Variants in ZC3H12A observed in about 807,000 individuals in gnomAD.
The protein encoded by ZC3H12A is endoribonuclease ZC3H12A.
Under a neutral mutation model 29.9 loss-of-function variants are expected in ZC3H12A, and 9 were observed. The ratio of observed to expected loss-of-function variants is 0.30; its 90% CI spans 0.18 to 0.53. The LOEUF is 0.53. Ranked by LOEUF, ZC3H12A falls within the 20% of genes least tolerant of loss-of-function variation. The probability of loss-of-function intolerance (pLI) is 0.96; values close to 1 mark genes in which losing one functional copy is unlikely to be tolerated. For missense variants in ZC3H12A, 617 were observed against 799.0 expected (o/e 0.77, Z 2.75); for synonymous variants, 323 against 338.1 (o/e 0.96, Z 0.49).
rs149063270 is a variant in ZC3H12A, at chr1:37,476,840, G to A, written c.443+901G>A. Reference sequence around the variant, plus strand: ...CTGGGTGGATGGCTCACAGGGAAAAGTTCCTGTTGGCATGGACGGGGAGAC... The same window carrying A: ...CTGGGTGGATGGCTCACAGGGAAAAATTCCTGTTGGCATGGACGGGGAGAC... On this transcript the variant is annotated intron_variant, in intron 2 of 5. Coordinates refer to ENST00000373087, the MANE Select transcript of ZC3H12A (RefSeq NM_025079.3). The surrounding 1 kb of genome is among the most constrained non-coding windows in gnomAD (Gnocchi z 6.0). Among the ~76,000 whole-genome samples, 1 of 152,240 alleles carries A rather than the reference G, an allele frequency of 6.6e-6. No individual in the cohort carries two copies. Among genetic ancestry groups the A allele is most frequent in the Non-Finnish European group, 1.5e-5 (1 of 68,046 alleles).
At chr1:37,482,074 G>A (rs940153365) in intron 4 of ZC3H12A, among the ~76,000 whole-genome samples, 6 of 152,192 alleles carry the variant, frequency 3.9e-5, no homozygotes, top group East Asian at 3.9e-4. Context: ...AGATAGAGCC[G>A]TAGCACTTAT....
rs1188766722 is a variant in ZC3H12A at position 37,480,434 on chromosome 1, G to C, written c.583+5G>C. ...GGCCCGACGTGCCCATCACAGGTGAGTGGTGCCTCTGGAGGTGGGATGGTC... is the reference window on the plus strand; with the variant it reads ...GGCCCGACGTGCCCATCACAGGTGACTGGTGCCTCTGGAGGTGGGATGGTC... On this transcript the variant is annotated splice_donor_5th_base_variant and intron_variant, in intron 3 of 5. Transcript: ENST00000373087. 3 of 1,610,628 alleles carry C rather than the reference G, an allele frequency of 1.9e-6. No individual in the cohort carries two copies. Among genetic ancestry groups the C allele is most frequent in the South Asian group, 1.1e-5 (1 of 90,724 alleles).
In ZC3H12A at chr1:37,479,693, C is replaced by T. The variant is rs926076509; in HGVS notation, c.444-597C>T. On this transcript the variant is annotated intron_variant, in intron 2 of 5. Coordinates refer to ENST00000373087, the MANE Select transcript of ZC3H12A (RefSeq NM_025079.3). The surrounding 1 kb of genome is among the most constrained non-coding windows in gnomAD (Gnocchi z 4.5). ...GAGTCGCCAGCCCCTTCCCCTTTGCCTTTCTCAGGCCCCAGTCCCTGAGGT... is the reference window on the plus strand; with the variant it reads ...GAGTCGCCAGCCCCTTCCCCTTTGCTTTTCTCAGGCCCCAGTCCCTGAGGT... The T allele has an allele frequency of 2.0e-6, 2 of 985,236 alleles. No individual in the cohort carries two copies. Among genetic ancestry groups the T allele is most frequent in the African/African-American group, 3.5e-5 (2 of 57,200 alleles). 61.0% of individuals were successfully genotyped at this position (985,236 alleles called of 1,614,324 possible). A position where few individuals can be genotyped will look rare whatever the true frequency, so the allele number is the denominator to read the frequency against.
chr1:37,482,970 C>T lies in ZC3H12A; in HGVS notation c.1159C>T (p.Pro387Ser), dbSNP rs555026894. ...DGKKLGAQAS[P>S]GSRQEGLTQT... ...GAAGAAGCTGGGGGCCCAGGCATCC[C>T]CAGGGTCCCGCCAAGAGGGTCTAAC... The change falls in exon 6 of 6, where the codon CCA (proline) becomes TCA (serine). Residue 387 changes from proline to serine, a missense_variant. This residue lies in a region of ZC3H12A where 115 missense variants were observed against 112.5 expected (regional missense o/e 1.02). Coordinates refer to ENST00000373087, the MANE Select transcript of ZC3H12A (RefSeq NM_025079.3). 6.2e-6 allele frequency: 10 copies of T among 1,612,332 alleles called. No homozygotes were observed. The African/African-American group carries it at 8.0e-5, about 13-fold the overall frequency.
rs190214724 is a variant in ZC3H12A at position 37,480,115 on chromosome 1, C to A, written c.444-175C>A. The A allele has an allele frequency of 3.0e-6, 4 of 1,336,364 alleles. No individual in the cohort carries two copies. In the African/African-American group the frequency reaches 5.9e-5, roughly 20 times the overall value. The allele number at this position is 1,336,364 out of a possible 1,614,324, so 82.8% of individuals were successfully genotyped here. ...GGGCCCCACCTGCAGAGGGCCAGGG[C>A]CTGAGCCCTGGGGAAAGGGGAAGGG... On this transcript the variant is annotated intron_variant, in intron 2 of 5. Transcript: ENST00000373087.
chr1:37,479,483 C>G lies in ZC3H12A; in HGVS notation c.444-807C>G, dbSNP rs1301742285. On this transcript the variant is annotated intron_variant, in intron 2 of 5. Coordinates refer to ENST00000373087, the MANE Select transcript of ZC3H12A (RefSeq NM_025079.3). The surrounding 1 kb of genome is among the most constrained non-coding windows in gnomAD (Gnocchi z 4.5). Reference sequence around the variant, plus strand: ...TCTGAGACCAAGGCAGGGCCCATGCCTTACTCAGCTGTCCTTGCTAAGAGT... The same window carrying G: ...TCTGAGACCAAGGCAGGGCCCATGCGTTACTCAGCTGTCCTTGCTAAGAGT... 1 of 985,334 alleles carries G rather than the reference C, an allele frequency of 1.0e-6. No individual in the cohort carries two copies. Among genetic ancestry groups the G allele is most frequent in the Admixed American group, 6.1e-5 (1 of 16,272 alleles). The allele number at this position is 985,334 out of a possible 1,614,324, so 61.0% of individuals were successfully genotyped here.
intron 3 of ZC3H12A, among the ~76,000 whole-genome samples, chr1:37,481,350 C>T (rs1641697870): frequency 6.6e-6 from 1 of 152,390 alleles, no homozygotes; most frequent in Non-Finnish European, 1.5e-5. Context: ...ACAAGGCCAG[C>T]TCTGTGCTTG....
In ZC3H12A at chr1:37,481,243, C is replaced by T. The variant is rs554000532; in HGVS notation, c.584-358C>T. ...ACTTCTCCCACCCCAGAGCAAGCTG[C>T]GGCTCATTCACGGACCCCTCAGAAC... On this transcript the variant is annotated intron_variant, in intron 3 of 5. Coordinates refer to ENST00000373087, the MANE Select transcript of ZC3H12A (RefSeq NM_025079.3). 3.9e-5 allele frequency among the ~76,000 whole-genome samples: 6 copies of T among 152,338 alleles called. No homozygotes were observed. In the East Asian group the frequency reaches 5.8e-4, roughly 15 times the overall value.
In ZC3H12A at chr1:37,474,648, G is replaced by A. The variant is rs1299315923; in HGVS notation, c.-39+19G>A. The A allele has an allele frequency of 1.3e-5, 2 of 151,956 alleles. No individual in the cohort carries two copies. The highest frequency in any genetic ancestry group is 2.1e-4 in the South Asian group (1 of 4,836). The allele number at this position is 151,956 out of a possible 1,614,324, so 9.4% of individuals were successfully genotyped here. On this transcript the variant is annotated intron_variant, in intron 1 of 5. Coordinates refer to ENST00000373087, the MANE Select transcript of ZC3H12A (RefSeq NM_025079.3). Reference sequence around the variant, plus strand: ...TGGCGGGGTGAGGCGCGGCGGGGAGGGTGCGGGCCTCGGCGGGGAAGCGGC... The same window carrying A: ...TGGCGGGGTGAGGCGCGGCGGGGAGAGTGCGGGCCTCGGCGGGGAAGCGGC...
rs1641643929 is a variant in ZC3H12A at position 37,478,881 on chromosome 1, C to A, written c.444-1409C>A. The A allele has an allele frequency of 1.0e-6, 1 of 985,230 alleles. No individual in the cohort carries two copies. The allele number at this position is 985,230 out of a possible 1,614,324, so 61.0% of individuals were successfully genotyped here. ...CAGGCTGGCAGATGTGGCAGAGGGA[C>A]CGGGAAGGATGAGTGCTGCCCTGGG... is the stretch of plus-strand genomic sequence containing the variant. On this transcript the variant is annotated intron_variant, in intron 2 of 5. Transcript: ENST00000373087. This position sits in a 1 kb window ranked among gnomAD's most constrained non-coding sequence, Gnocchi z 5.2.
At position 37,483,816 on chromosome 1, in the gene ZC3H12A, A is replaced by G. The variant is rs1641769636; in HGVS notation, c.*205A>G. ...TGCAGCACCTCTAGCTGTCTGCCTC[A>G]GTGGGTCAGAAGCGATCACCCTGTT... On this transcript the variant is annotated 3_prime_UTR_variant, in exon 6 of 6. Coordinates refer to ENST00000373087, the MANE Select transcript of ZC3H12A (RefSeq NM_025079.3). 4 of 646,486 alleles carry G rather than the reference A, an allele frequency of 6.2e-6. No individual in the cohort carries two copies. Among genetic ancestry groups the G allele is most frequent in the Non-Finnish European group, 1.0e-5 (4 of 386,386 alleles). 40.0% of individuals were successfully genotyped at this position (646,486 alleles called of 1,614,324 possible). A position where few individuals can be genotyped will look rare whatever the true frequency, so the allele number is the denominator to read the frequency against.
Position 37,483,868 on chromosome 1 carries a change from A to C in ZC3H12A, c.*257A>C. 1 of 474,330 alleles carries C rather than the reference A, an allele frequency of 2.1e-6. No individual in the cohort carries two copies. Among genetic ancestry groups the C allele is most frequent in the Non-Finnish European group, 3.7e-6 (1 of 270,094 alleles). The allele number at this position is 474,330 out of a possible 1,614,324, so 29.4% of individuals were successfully genotyped here. On this transcript the variant is annotated 3_prime_UTR_variant, in exon 6 of 6. Coordinates refer to ENST00000373087, the MANE Select transcript of ZC3H12A (RefSeq NM_025079.3). ...ATACACATTGTATCTCTGTAGTTTAAGGAGACGCTGCCGGTAACGGCGTCG... is the reference window on the plus strand; with the variant it reads ...ATACACATTGTATCTCTGTAGTTTACGGAGACGCTGCCGGTAACGGCGTCG...
rs149597888 is a variant in ZC3H12A at position 37,475,880 on chromosome 1, G to A, written c.384G>A (p.Glu128=). The change falls in exon 2 of 6, where the codon GAG becomes GAA. Residue 128 remains glutamate (E), a synonymous_variant. Transcript: ENST00000373087. The surrounding 1 kb of genome is among the most constrained non-coding windows in gnomAD (Gnocchi z 5.2). ...ACCTGGAGCCTCCACTCCCAGAAGAGGAAAAGGAGGGCAGCGACCTGAGAC... is the reference window on the plus strand; with the variant it reads ...ACCTGGAGCCTCCACTCCCAGAAGAAGAAAAGGAGGGCAGCGACCTGAGAC... ...APNLEPPLPE[E]EKEGSDLRPV... is the part of the protein sequence containing the mutation. The A allele has an allele frequency of 6.5e-6, 10 of 1,547,552 alleles. No homozygotes were observed. The highest frequency in any genetic ancestry group is 1.2e-5 in the South Asian group (1 of 81,768).
intron 5 of ZC3H12A, 68 bp downstream of exon 5, chr1:37,482,608 GC>G: frequency 6.2e-7 from 1 of 1,608,870 alleles, no homozygotes; most frequent in Non-Finnish European, 8.5e-7. Context: ...GTCTGCCTGT[GC>G]CCTGTTTTCC....
Position 37,484,321 on chromosome 1 carries a change from A to T in ZC3H12A, c.*710A>T, listed in dbSNP as rs1641783429. ...TGTAAATTTTAAATATTTTAAGCAGAAAGTCCTTACCTCCTGTAACACATC... is the reference window on the plus strand; with the variant it reads ...TGTAAATTTTAAATATTTTAAGCAGTAAGTCCTTACCTCCTGTAACACATC... On this transcript the variant is annotated 3_prime_UTR_variant, in exon 6 of 6. Coordinates refer to ENST00000373087, the MANE Select transcript of ZC3H12A (RefSeq NM_025079.3). 6.6e-6 allele frequency: 1 copy of T among 152,262 alleles called. No individual in the cohort carries two copies. Among genetic ancestry groups the T allele is most frequent in the Non-Finnish European group, 1.5e-5 (1 of 68,058 alleles). The allele number at this position is 152,262 out of a possible 1,614,324, so 9.4% of individuals were successfully genotyped here. A position where few individuals can be genotyped will look rare whatever the true frequency, so the allele number is the denominator to read the frequency against.
In ZC3H12A at chr1:37,475,410, G is replaced by A; in HGVS notation, c.-38-49G>A. On this transcript the variant is annotated intron_variant, in intron 1 of 5. Transcript: ENST00000373087. This position sits in a 1 kb window ranked among gnomAD's most constrained non-coding sequence, Gnocchi z 5.2. ...CTGCTGGATGTGGTTTTGGGAGGGA[G>A]GTTAGGAGAGAGCGCTATTCACCGT... 1 of 1,424,968 alleles carries A rather than the reference G, an allele frequency of 7.0e-7. No individual in the cohort carries two copies. The highest frequency in any genetic ancestry group is 9.5e-7 in the Non-Finnish European group (1 of 1,056,942). The allele number at this position is 1,424,968 out of a possible 1,614,324, so 88.3% of individuals were successfully genotyped here.
chr1:37,482,854 C>G lies in ZC3H12A; in HGVS notation c.1043C>G (p.Ala348Gly). The change falls in exon 6 of 6, where the codon GCC becomes GGC. Residue 348 changes from alanine (A) to glycine (G), a missense_variant. By Grantham distance (60) the Ala-to-Gly change is moderately conservative. This residue lies in a region of ZC3H12A where 115 missense variants were observed against 112.5 expected (regional missense o/e 1.02). Transcript: ENST00000373087. ...AATGCTCTCCTCTCACCCCCCAGAG[C>G]CCCAAGCAAGGACAAAAATGGCCGG... ...RANALLSPPR[A>G]PSKDKNGRRP... 6.2e-7 allele frequency: 1 copy of G among 1,613,980 alleles called. No individual in the cohort carries two copies. Among genetic ancestry groups the G allele is most frequent in the South Asian group, 1.1e-5 (1 of 91,078 alleles).
In ZC3H12A at chr1:37,479,489, C is replaced by G; in HGVS notation, c.444-801C>G. 1 of 985,454 alleles carries G rather than the reference C, an allele frequency of 1.0e-6. No individual in the cohort carries two copies. Among genetic ancestry groups the G allele is most frequent in the Non-Finnish European group, 1.2e-6 (1 of 829,932 alleles). The allele number at this position is 985,454 out of a possible 1,614,324, so 61.0% of individuals were successfully genotyped here. ...ACCAAGGCAGGGCCCATGCCTTACT[C>G]AGCTGTCCTTGCTAAGAGTCCCCTA... On this transcript the variant is annotated intron_variant, in intron 2 of 5. Transcript: ENST00000373087. This position sits in a 1 kb window ranked among gnomAD's most constrained non-coding sequence, Gnocchi z 4.5.
In ZC3H12A at chr1:37,475,336, AC is replaced by A. The variant is rs1468136289; in HGVS notation, c.-38-121del. 2.6e-6 allele frequency: 2 copies of A among 773,568 alleles called. No individual in the cohort carries two copies. The highest frequency in any genetic ancestry group is 3.5e-5 in the African/African-American group (2 of 57,648). The allele number at this position is 773,568 out of a possible 1,614,324, so 47.9% of individuals were successfully genotyped here. On this transcript the variant is annotated intron_variant, in intron 1 of 5. Transcript: ENST00000373087. The surrounding 1 kb of genome is among the most constrained non-coding windows in gnomAD (Gnocchi z 5.2). ...AGCTGGGAGAGCTTTTGAGAGGACA[AC>A]CTGAACTAATAACACGATGCAGTGT...
Sources: allele counts gnomAD v4.1 joint callset (sites outside exome capture counted in the v4.1 genomes callset), GRCh38; gene constraint gnomAD v4.1.1; regional missense constraint gnomAD v4.1.1; non-coding constraint Gnocchi (gnomAD v3.1); transcripts MANE v1.5; gene names NCBI Gene and HGNC (gene_info 2026-07-23, HGNC 2026-07-21).